The following STAB2 variants were observed in gnomAD, a reference collection of about 807,000 sequenced individuals.
STAB2 encodes the protein stabilin-2.
Under a neutral mutation model 338.1 loss-of-function variants are expected in STAB2, and 288 were observed. The ratio of observed to expected loss-of-function variants is 0.85; its 90% confidence interval spans 0.77 to 0.94. The LOEUF (loss-of-function observed/expected upper bound fraction) is 0.94, where lower values mean the gene tolerates loss of function less well. Ranked by LOEUF, STAB2 falls within the 40% of genes least tolerant of loss-of-function variation. STAB2 has a pLI of 0.00. For missense variants in STAB2, 3,141 were observed against 3,210.1 expected, an observed-to-expected ratio of 0.98 and a Z score of 0.52; for synonymous variants, 1,202 against 1,193.3, an observed-to-expected ratio of 1.01 and a Z score of -0.15.
At chr12:103,696,759 A>AC (rs1878441385) in intron 33 of STAB2, among the ~76,000 whole-genome samples, 1 of 152,130 alleles carries the variant, frequency 6.6e-6, no homozygotes. Context: ...AAGGCCAGGG[A>AC]CGGGGGGAGG....
At chr12:103,659,867 A>C (rs1246148514) in intron 15 of STAB2, among the ~76,000 whole-genome samples, 1 of 152,236 alleles carries the variant, frequency 6.6e-6, no homozygotes, top group African/African-American at 2.4e-5. Flanking sequence ...TGGTCTGACA[A>C]ACAGACGTTT....
chr12:103,689,613 G>C (rs1877748633), intron 28 of STAB2, among the ~76,000 whole-genome samples: 3 of 152,182 alleles, frequency 2.0e-5, no homozygotes, highest in Admixed American at 6.5e-5. Context: ...ATGACTGAAA[G>C]TGTGATCTCA....
intron 52 of STAB2, 92 bp downstream of exon 52, chr12:103,735,672 T>C (rs1882059910): frequency 7.3e-6 from 8 of 1,097,668 alleles, no homozygotes; most frequent in African/African-American, 1.6e-5. Flanking sequence ...AGATGTTCAT[T>C]TTTTCCCCTC....
rs894162305 is a variant in STAB2 at position 103,644,855 on chromosome 12, A to G, written c.1041-3835A>G. ...AGGATAAATGCTTGAAATGAGAGCT[A>G]TCCCATTTGCCTTGATATGATTATT... is the stretch of plus-strand genomic sequence containing the variant. On this transcript the variant is annotated intron_variant, in intron 9 of 68. Transcript: ENST00000388887. Among the ~76,000 whole-genome samples, 4 of 152,260 alleles carry G rather than the reference A, an allele frequency of 2.6e-5. No homozygotes were observed. The East Asian group carries it at 7.7e-4, about 29-fold the overall frequency.
chr12:103,638,883 G>A (rs1441791163), intron 8 of STAB2, among the ~76,000 whole-genome samples: 1 of 152,204 alleles, frequency 6.6e-6, no homozygotes, highest in Non-Finnish European at 1.5e-5. Context: ...ATACAGAAGG[G>A]TATTGCTGCA....
intron 5 of STAB2, among the ~76,000 whole-genome samples, chr12:103,630,828 T>C (rs1441628657): frequency 3.3e-5 from 5 of 152,208 alleles, no homozygotes; most frequent in African/African-American, 4.8e-5. Context: ...AAACATCAAT[T>C]TTAGCTCAAT....
intron 3 of STAB2, among the ~76,000 whole-genome samples, chr12:103,603,313 G>GC (rs1171463786): frequency 1.3e-5 from 2 of 152,066 alleles, no homozygotes; most frequent in Non-Finnish European, 2.9e-5. Flanking sequence ...CTCGTGATCT[G>GC]CCCACCTCAG....
chr12:103,707,496 C>T (rs1287606301), intron 38 of STAB2, among the ~76,000 whole-genome samples: 4 of 152,194 alleles, frequency 2.6e-5, no homozygotes, highest in African/African-American at 7.2e-5. Context: ...TTCTTGACTC[C>T]AAAGCTTGCT....
intron 49 of STAB2, among the ~76,000 whole-genome samples, chr12:103,730,976 G>C (rs1054774183): frequency 1.3e-5 from 2 of 152,160 alleles, no homozygotes; most frequent in Non-Finnish European, 2.9e-5. Context: ...CCTCATCCCA[G>C]GATCAGATGC....
chr12:103,741,199 C>T (rs1882556717), intron 55 of STAB2, among the ~76,000 whole-genome samples: 1 of 152,148 alleles, frequency 6.6e-6, no homozygotes, highest in Admixed American at 6.5e-5. Flanking sequence ...ATAGCATTGG[C>T]TCCCTCTGTT....
At chr12:103,734,221 CAT>C (rs1326983165) in intron 51 of STAB2, among the ~76,000 whole-genome samples, 2 of 134,474 alleles carry the variant, frequency 1.5e-5, no homozygotes, top group African/African-American at 5.7e-5. Context: ...AGCACGATCA[CAT>C]AGGAGCAAAC....
At chr12:103,674,175 G>A (rs544183972) in intron 23 of STAB2, 88 bp downstream of exon 23, 55 of 1,451,256 alleles carry the variant, frequency 3.8e-5, no homozygotes, top group Middle Eastern at 2.0e-4. Context: ...ACCTGTAGAC[G>A]GAGCCAACCC....
At chr12:103,592,638 A>G (rs965864502) in intron 2 of STAB2, among the ~76,000 whole-genome samples, 1 of 152,186 alleles carries the variant, frequency 6.6e-6, no homozygotes, top group African/African-American at 2.4e-5. Flanking sequence ...CATGAAACCA[A>G]CACCACAATC....
chr12:103,669,760 C>A, intron 21 of STAB2, 133 bp downstream of exon 21: 1 of 709,460 alleles, frequency 1.4e-6, no homozygotes, highest in Non-Finnish European at 2.3e-6. Flanking sequence ...AAAAGAACAG[C>A]AGGTGTCTGC....
At chr12:103,698,871 A>T (rs1459396587) in intron 33 of STAB2, among the ~76,000 whole-genome samples, 1 of 152,202 alleles carries the variant, frequency 6.6e-6, no homozygotes, top group South Asian at 2.1e-4. Context: ...GAATCCTCTA[A>T]TGAGTTCTTG....
chr12:103,701,002 CCT>C lies in STAB2; in HGVS notation c.3714+1776_3714+1777del, dbSNP rs1235067210. Among the ~76,000 whole-genome samples, 1,287 of 144,726 alleles carry C rather than the reference CCT, an allele frequency of 8.9e-3. 12 individuals carry two copies. The highest frequency in any genetic ancestry group is 0.021 in the Middle Eastern group (6 of 288). The allele number at this position is 144,726 out of a possible 152,430, so 94.9% of individuals were successfully genotyped here. A position where few individuals can be genotyped will look rare whatever the true frequency, so the allele number is the denominator to read the frequency against. ...CCAATGCTATCCCTCCCCCCTCCCC[CCT>C]GCCCCCACCCCACAACAGTCCCCAG... On this transcript the variant is annotated intron_variant, in intron 34 of 68. Coordinates refer to ENST00000388887, the MANE Select transcript of STAB2 (RefSeq NM_017564.10).
intron 20 of STAB2, 197 bp from the exon 21 acceptor site, chr12:103,669,344 C>A (rs1593206991): frequency 3.4e-6 from 2 of 582,194 alleles, no homozygotes; most frequent in South Asian, 2.0e-5. Flanking sequence ...GTCCAGCACC[C>A]AGGGGAGGGG....
Position 103,712,389 on chromosome 12 carries a change from A to C in STAB2, c.4357A>C (p.Thr1453Pro). 3 of 1,614,126 alleles carry C rather than the reference A, an allele frequency of 1.9e-6. No individual in the cohort carries two copies. The highest frequency in any genetic ancestry group is 2.5e-6 in the Non-Finnish European group (3 of 1,179,976). ...SANCLTNSDG[T>P]ASCKCAAGFQ... is the part of the protein sequence containing the mutation. Reference sequence around the variant, plus strand: ...CAGCTGCCTCACCAACTCAGATGGTACAGCTTCATGCAAGTGTGCAGCAGG... The same window carrying C: ...CAGCTGCCTCACCAACTCAGATGGTCCAGCTTCATGCAAGTGTGCAGCAGG... The change falls in exon 41 of 69, where the codon ACA (threonine) becomes CCA (proline). Residue 1453 changes from threonine (T) to proline (P), a missense_variant. Thr to Pro is a conservative substitution (Grantham distance 38, BLOSUM62 -1). Transcript: ENST00000388887.
Position 103,706,903 on chromosome 12 carries a change from G to C in STAB2, c.4108G>C (p.Gly1370Arg). The C allele has an allele frequency of 1.9e-6, 3 of 1,614,246 alleles. No individual in the cohort carries two copies. Among genetic ancestry groups the C allele is most frequent in the Non-Finnish European group, 2.5e-6 (3 of 1,180,052 alleles). Residue 1370 changes from glycine (G) to arginine (R), a missense_variant, in exon 38 of 69, where the codon GGT becomes CGT. By Grantham distance (125) the Gly-to-Arg change is moderately radical (BLOSUM62 -2). Transcript: ENST00000388887. ...CTGTTTGGATGGAGTGAATGGCACA[G>C]GTGTGTGTGAGTGTGGGGAGGGCTT... Reference protein sequence around the residue: ...GICLDGVNGTGVCECGEGFSG... With the variant: ...GICLDGVNGTRVCECGEGFSG...
Sources: gnomAD v4.1 joint callset for allele counts (sites outside exome capture counted in the v4.1 genomes callset) on GRCh38, gnomAD v4.1.1 for gene constraint, MANE v1.5 for transcripts, NCBI Gene and HGNC (gene_info 2026-07-23, HGNC 2026-07-21) for gene names.